MAGI2: variants seen among roughly 807,000 people sequenced by gnomAD.
MAGI2 encodes the protein membrane-associated guanylate kinase, WW and PDZ domain-containing protein 2.
MAGI2 carries 35 observed loss-of-function variants against 133.3 expected under a neutral mutation model. That is an observed-to-expected ratio of 0.26 (90% CI 0.20 to 0.35). The LOEUF (loss-of-function observed/expected upper bound fraction) is 0.35, where lower values mean the gene tolerates loss of function less well. Ranked by LOEUF, MAGI2 falls within the 10% of genes least tolerant of loss-of-function variation. The pLI is 1.00. For missense variants in MAGI2, 1,636 were observed against 1,863.4 expected, an observed-to-expected ratio of 0.88 and a Z score of 2.25; for synonymous variants, 729 against 710.6, an observed-to-expected ratio of 1.03 and a Z score of -0.41.
At chr7:79,059,277 C>T (rs1394053081) in intron 1 of MAGI2, among the ~76,000 whole-genome samples, 1 of 151,894 alleles carries the variant, frequency 6.6e-6, no homozygotes, top group Non-Finnish European at 1.5e-5. Context: ...GGCTACAATC[C>T]CATGGGTAAC....
At chr7:78,630,413 CTTTT>C (rs35696228) in intron 2 of MAGI2, among the ~76,000 whole-genome samples, 3 of 112,342 alleles carry the variant, frequency 2.7e-5, no homozygotes, top group African/African-American at 6.9e-5. Flanking sequence ...TTGTGTTTAA[CTTTT>C]TTTTTTTTTT....
chr7:79,183,372 C>G (rs779454881), intron 1 of MAGI2, among the ~76,000 whole-genome samples: 49 of 151,434 alleles, frequency 3.2e-4, no homozygotes, highest in Non-Finnish European at 5.6e-4. Flanking sequence ...AGATATAAAA[C>G]AGTATCATCA....
At chr7:79,248,794 T>G (rs534401594) in intron 1 of MAGI2, among the ~76,000 whole-genome samples, 15 of 152,182 alleles carry the variant, frequency 9.9e-5, no homozygotes, top group East Asian at 7.7e-4. Context: ...AGAAGAAAAT[T>G]GAAAATTTTC....
intron 21 of MAGI2, among the ~76,000 whole-genome samples, chr7:78,035,856 T>A (rs1302481893): frequency 6.6e-6 from 1 of 152,208 alleles, no homozygotes. Context: ...ATTTATTCCT[T>A]GAAGACAGAA....
intron 2 of MAGI2, among the ~76,000 whole-genome samples, chr7:78,934,106 T>G (rs1800339740): frequency 6.6e-6 from 1 of 152,044 alleles, no homozygotes; most frequent in African/African-American, 2.4e-5. Context: ...CACATTTTAT[T>G]TATTTATTTA....
intron 21 of MAGI2, among the ~76,000 whole-genome samples, chr7:78,038,508 T>C (rs895918775): frequency 3.3e-5 from 5 of 152,242 alleles, no homozygotes; most frequent in Non-Finnish European, 5.9e-5. Flanking sequence ...TTTGTATGAA[T>C]TTCTATATCC....
At chr7:78,891,079 A>G (rs1796709783) in intron 2 of MAGI2, among the ~76,000 whole-genome samples, 1 of 152,208 alleles carries the variant, frequency 6.6e-6, no homozygotes, top group African/African-American at 2.4e-5. Flanking sequence ...ACAAACTACC[A>G]TCAGAGAATA....
At chr7:79,083,298 A>T (rs901696726) in intron 1 of MAGI2, among the ~76,000 whole-genome samples, 5 of 58,066 alleles carry the variant, frequency 8.6e-5, no homozygotes, top group Non-Finnish European at 1.6e-4. Flanking sequence ...AATAAGTATG[A>T]TGTTATTTTT....
At chr7:78,654,703 GTATATATATATATATA>G (rs57776940) in intron 2 of MAGI2, among the ~76,000 whole-genome samples, 17,020 of 118,200 alleles carry the variant, frequency 0.14, 1,293 homozygotes, top group East Asian at 0.24. Context: ...TTACATATAT[GTATATATATATATATA>G]TATATATATA....
At chr7:79,065,216 G>T (rs974105880) in intron 1 of MAGI2, among the ~76,000 whole-genome samples, 1 of 152,052 alleles carries the variant, frequency 6.6e-6, no homozygotes, top group Non-Finnish European at 1.5e-5. Flanking sequence ...CCATTATACA[G>T]TTGTTTTATG....
intron 1 of MAGI2, among the ~76,000 whole-genome samples, chr7:79,085,132 CCA>C (rs1816375048): frequency 6.6e-6 from 1 of 151,458 alleles, no homozygotes; most frequent in South Asian, 2.1e-4. Context: ...TGATGATTTT[CCA>C]CAGTTTTCTA....
At chr7:78,898,457 G>A (rs1797372652) in intron 2 of MAGI2, among the ~76,000 whole-genome samples, 1 of 152,140 alleles carries the variant, frequency 6.6e-6, no homozygotes, top group Non-Finnish European at 1.5e-5. Flanking sequence ...TATACACCAT[G>A]GAATACTATG....
intron 3 of MAGI2, among the ~76,000 whole-genome samples, chr7:78,613,428 A>C (rs898114869): frequency 6.6e-6 from 1 of 152,212 alleles, no homozygotes; most frequent in Admixed American, 6.5e-5. Context: ...TGTAAGAGCC[A>C]GAACCAAGAA....
chr7:78,385,923 C>T (rs190491793), intron 6 of MAGI2, among the ~76,000 whole-genome samples: 1 of 152,236 alleles, frequency 6.6e-6, no homozygotes, highest in Non-Finnish European at 1.5e-5. Context: ...CAAATATGGT[C>T]TTTTGCTCAA....
At chr7:78,183,716 T>C (rs563015065) in intron 13 of MAGI2, among the ~76,000 whole-genome samples, 11 of 152,216 alleles carry the variant, frequency 7.2e-5, no homozygotes, top group Non-Finnish European at 1.5e-4. Context: ...ACTACAGGCA[T>C]GCGCCACAGC....
chr7:78,466,191 C>A (rs1397152303), intron 6 of MAGI2, among the ~76,000 whole-genome samples: 1 of 152,188 alleles, frequency 6.6e-6, no homozygotes, highest in Non-Finnish European at 1.5e-5. Context: ...CAGCATCATA[C>A]CTTATTGAGC....
At chr7:78,648,920 C>T (rs1187616766) in intron 2 of MAGI2, among the ~76,000 whole-genome samples, 4 of 152,088 alleles carry the variant, frequency 2.6e-5, no homozygotes, top group African/African-American at 9.7e-5. Flanking sequence ...AAACTTGTTA[C>T]ATTGCAGGTC....
rs1264926308 is a variant in MAGI2 at position 78,616,737 on chromosome 7, C to G, written c.538+10383G>C. 3 of 152,114 alleles carry G rather than the reference C, an allele frequency of 2.0e-5. No homozygotes were observed. In the East Asian group the frequency reaches 5.8e-4, roughly 29 times the overall value. The allele number at this position is 152,114 out of a possible 1,614,324, so 9.4% of individuals were successfully genotyped here. ...GATGCTGCAGCTTCAAAGTATTGGCCTAGAGCCAAGAAAGTGGATATGCCC... is the reference window on the plus strand; with the variant it reads ...GATGCTGCAGCTTCAAAGTATTGGCGTAGAGCCAAGAAAGTGGATATGCCC... On this transcript the variant is annotated intron_variant, in intron 3 of 21. Transcript: ENST00000354212.
chr7:79,084,895 A>G (rs1816350494), intron 1 of MAGI2, among the ~76,000 whole-genome samples: 1 of 151,798 alleles, frequency 6.6e-6, no homozygotes, highest in Non-Finnish European at 1.5e-5. Flanking sequence ...ATTTCTTCTC[A>G]TTACCTCTTG....
Sources: allele counts gnomAD v4.1 joint callset (sites outside exome capture counted in the v4.1 genomes callset), GRCh38; gene constraint gnomAD v4.1.1; transcripts MANE v1.5; gene names NCBI Gene and HGNC (gene_info 2026-07-23, HGNC 2026-07-21).